CD8B2: variants seen among roughly 807,000 people sequenced by gnomAD.
The protein encoded by CD8B2 is T-cell surface glycoprotein CD8 beta-2 chain.
Under a neutral mutation model 23.7 loss-of-function variants are expected in CD8B2, and 11 were observed. The ratio of observed to expected loss-of-function variants is 0.46; its 90% CI spans 0.29 to 0.77. The LOEUF (loss-of-function observed/expected upper bound fraction) is 0.77, where lower values mean the gene tolerates loss of function less well. Among genes scored for constraint, CD8B2 ranks in the 30% least tolerant of loss-of-function variants. CD8B2 has a pLI of 0.09. For missense variants in CD8B2, 197 were observed against 270.5 expected (o/e 0.73, Z 1.91); for synonymous variants, 90 against 109.3 (o/e 0.82, Z 1.10).
intron 1 of CD8B2, among the ~76,000 whole-genome samples, chr2:106,488,436 T>C (rs1679124179): frequency 6.6e-6 from 1 of 151,524 alleles, no homozygotes; most frequent in Non-Finnish European, 1.5e-5. Flanking sequence ...AAAAAGCAAG[T>C]GGGTCCCGGG....
chr2:106,534,054 G>T (rs1680049517), intron 5 of CD8B2, among the ~76,000 whole-genome samples: 2 of 152,224 alleles, frequency 1.3e-5, no homozygotes, highest in African/African-American at 4.8e-5. Flanking sequence ...AAAAACTCAG[G>T]TGTAGGTACA....
intron 5 of CD8B2, among the ~76,000 whole-genome samples, chr2:106,517,429 C>T (rs1056507566): frequency 6.6e-6 from 1 of 152,052 alleles, no homozygotes; most frequent in African/African-American, 2.4e-5. Flanking sequence ...AGTATACCGG[C>T]CACGCCACTT....
intron 2 of CD8B2, among the ~76,000 whole-genome samples, chr2:106,492,100 C>G (rs1244862130): frequency 6.6e-6 from 1 of 151,992 alleles, no homozygotes; most frequent in South Asian, 2.1e-4. Flanking sequence ...ATACCTGAGT[C>G]GAAGTTAGTA....
intron 5 of CD8B2, among the ~76,000 whole-genome samples, chr2:106,538,513 T>A (rs1349925111): frequency 6.6e-6 from 1 of 152,192 alleles, no homozygotes; most frequent in Non-Finnish European, 1.5e-5. Flanking sequence ...TAAGGGTGAC[T>A]GTGAATCTGT....
At chr2:106,496,130 G>T in intron 2 of CD8B2, 43 bp from the exon 3 acceptor site, 1 of 1,548,506 alleles carries the variant, frequency 6.5e-7, no homozygotes, top group Non-Finnish European at 8.7e-7. Context: ...AGTCCACGTG[G>T]TGTTCACTTG....
chr2:106,516,931 ATATAT>A (rs372643681), intron 5 of CD8B2, among the ~76,000 whole-genome samples: 123 of 148,104 alleles, frequency 8.3e-4, no homozygotes, highest in East Asian at 4.7e-3. Flanking sequence ...GTATATATTG[ATATAT>A]TATATATAAC....
chr2:106,501,076 T>G (rs1679396144), intron 3 of CD8B2, among the ~76,000 whole-genome samples: 1 of 152,218 alleles, frequency 6.6e-6, no homozygotes, highest in South Asian at 2.1e-4. Flanking sequence ...TTTGACAGCA[T>G]CTGTCACAAT....
chr2:106,533,704 G>A (rs143589747), intron 5 of CD8B2, among the ~76,000 whole-genome samples: 19 of 152,306 alleles, frequency 1.2e-4, no homozygotes, highest in African/African-American at 4.3e-4. Flanking sequence ...AGCTGGAAAG[G>A]AAATGGAGAC....
chr2:106,501,937 A>T (rs1679415966), intron 3 of CD8B2, among the ~76,000 whole-genome samples: 1 of 152,212 alleles, frequency 6.6e-6, no homozygotes, highest in Non-Finnish European at 1.5e-5. Flanking sequence ...ACTTCTTAAA[A>T]ATTTGAATGT....
rs937998114 is a variant in CD8B2 at position 106,491,188 on chromosome 2, G to A, written c.358G>A (p.Gly120Arg). ...TGGCATCTACTTCTGCATGATCGTC[G>A]GGAGCCCCGAGCTGACCTTCGGGAA... is the stretch of plus-strand genomic sequence containing the variant. ...DSGIYFCMIV[G>R]SPELTFGKGT... is the part of the protein sequence containing the mutation. Residue 120 changes from glycine to arginine, a missense_variant, in exon 2 of 6, where the codon GGG becomes AGG. Physicochemically the swap from Gly to Arg is moderately radical, Grantham distance 125 (BLOSUM62 -2). Coordinates refer to ENST00000643224, the MANE Select transcript of CD8B2 (RefSeq NM_001349727.2). 3.2e-5 allele frequency: 52 copies of A among 1,612,992 alleles called. No homozygotes were observed. Among genetic ancestry groups the A allele is most frequent in the African/African-American group, 1.3e-4 (10 of 74,906 alleles).
intron 1 of CD8B2, among the ~76,000 whole-genome samples, chr2:106,489,745 A>G (rs1360724413): frequency 1.3e-5 from 2 of 152,186 alleles, no homozygotes; most frequent in African/African-American, 4.8e-5. Context: ...ACCTGTGTAC[A>G]TGGCCATACA....
intron 5 of CD8B2, among the ~76,000 whole-genome samples, chr2:106,525,387 A>T (rs1429007952): frequency 6.6e-6 from 1 of 152,232 alleles, no homozygotes; most frequent in Non-Finnish European, 1.5e-5. Context: ...GGGCATAGGC[A>T]GTACCGGCAC....
At chr2:106,521,097 A>T (rs192825364) in intron 5 of CD8B2, among the ~76,000 whole-genome samples, 87 of 152,058 alleles carry the variant, frequency 5.7e-4, no homozygotes, top group Non-Finnish European at 1.0e-3. Context: ...AAAGAGATAG[A>T]TGCCGAATGG....
chr2:106,496,631 T>C (rs923475763), intron 3 of CD8B2, among the ~76,000 whole-genome samples: 43 of 151,968 alleles, frequency 2.8e-4, no homozygotes, highest in African/African-American at 9.7e-4. Flanking sequence ...TTGGCCATAA[T>C]AAAGAATAAA....
At chr2:106,543,176 A>T (rs1322341520) in intron 5 of CD8B2, 2 of 152,178 alleles carry the variant, frequency 1.3e-5, no homozygotes, top group Non-Finnish European at 2.9e-5. Flanking sequence ...ACCGCCGGGA[A>T]CTGCCTTACC....
intron 5 of CD8B2, among the ~76,000 whole-genome samples, chr2:106,519,373 C>T (rs1330839924): frequency 2.0e-5 from 3 of 152,224 alleles, no homozygotes; most frequent in Non-Finnish European, 4.4e-5. Flanking sequence ...GGAAGAAACA[C>T]ATCCTTTGAC....
intron 3 of CD8B2, among the ~76,000 whole-genome samples, chr2:106,500,695 C>G (rs116554156): frequency 6.6e-6 from 1 of 152,094 alleles, no homozygotes; most frequent in Non-Finnish European, 1.5e-5. Context: ...TTCCGAACCT[C>G]GAGCCCAAAT....
chr2:106,538,198 AT>A (rs1680118029), intron 5 of CD8B2: 1 of 152,172 alleles, frequency 6.6e-6, no homozygotes, highest in Non-Finnish European at 1.5e-5. Context: ...CAATTCCCAA[AT>A]AACACTTGCC....
chr2:106,543,172 G>T (rs918888920), intron 5 of CD8B2: 7 of 152,112 alleles, frequency 4.6e-5, no homozygotes, highest in African/African-American at 1.7e-4. Context: ...CCCGACCGCC[G>T]GGAACTGCCT....
Sources: gnomAD v4.1 joint callset for allele counts (sites outside exome capture counted in the v4.1 genomes callset) on GRCh38, gnomAD v4.1.1 for gene constraint, MANE v1.5 for transcripts, NCBI Gene and HGNC (gene_info 2026-07-23, HGNC 2026-07-21) for gene names.